DNAH11: variants seen among roughly 807,000 people sequenced by gnomAD.
DNAH11 encodes the protein axonemal beta dynein heavy chain 11.
A neutral mutation model predicts 526.0 loss-of-function variants in DNAH11; 442 were observed. That is an observed-to-expected ratio of 0.84 (90% CI 0.78 to 0.91). The LOEUF (loss-of-function observed/expected upper bound fraction) is 0.91. Ranked by LOEUF, DNAH11 falls within the 40% of genes least tolerant of loss-of-function variation. The pLI is 0.00. For synonymous variants in DNAH11, 2,461 were observed against 1,935.9 expected, an observed-to-expected ratio of 1.27 and a Z score of -7.12; for missense variants, 6,989 against 5,448.7, an observed-to-expected ratio of 1.28 and a Z score of -8.90.
rs774774317 is a variant in DNAH11, at chr7:21,704,472, A to C, written c.6312A>C (p.Lys2104Asn). ...MRALRDFNMP[K>N]IVTDDIPVFL... is the part of the protein sequence containing the mutation. ...CATTAAGGGATTTCAATATGCCCAA[A>C]ATAGTGACTGACGACATCCCAGTGT... The change falls in exon 38 of 82, where the codon AAA becomes AAC. Residue 2104 changes from lysine to asparagine, a missense_variant. Transcript: ENST00000409508. The C allele has an allele frequency of 6.2e-7, 1 of 1,613,696 alleles. No homozygotes were observed. Among genetic ancestry groups the C allele is most frequent in the South Asian group, 1.1e-5 (1 of 91,040 alleles).
At chr7:21,576,993 A>G (rs1028939923) in intron 8 of DNAH11, among the ~76,000 whole-genome samples, 1 of 152,210 alleles carries the variant, frequency 6.6e-6, no homozygotes, top group Non-Finnish European at 1.5e-5. Context: ...CAGACCTAAG[A>G]AGACTCTGAA....
At chr7:21,563,919 T>C (rs1783560861) in intron 5 of DNAH11, among the ~76,000 whole-genome samples, 1 of 152,170 alleles carries the variant, frequency 6.6e-6, no homozygotes, top group African/African-American at 2.4e-5. Flanking sequence ...AGGGGTATTT[T>C]CCCCTTGGGT....
chr7:21,899,948 T>C (rs1352008753), intron 80 of DNAH11, 32 bp from the exon 81 acceptor site: 1 of 1,611,550 alleles, frequency 6.2e-7, no homozygotes, highest in Non-Finnish European at 8.5e-7. Flanking sequence ...GCAACACTTT[T>C]ATCCTATTCA....
chr7:21,722,338 T>G (rs980771202), intron 44 of DNAH11, among the ~76,000 whole-genome samples: 1 of 152,204 alleles, frequency 6.6e-6, no homozygotes, highest in Non-Finnish European at 1.5e-5. Context: ...TCATGGTTCA[T>G]AGTGCTTCTA....
Position 21,646,174 on chromosome 7 carries a change from G to C in DNAH11, c.4944+7109G>C, listed in dbSNP as rs1268976676. Among the ~76,000 whole-genome samples, 3 of 152,114 alleles carry C rather than the reference G, an allele frequency of 2.0e-5. 1 individual carries two copies. Among genetic ancestry groups the C allele is most frequent in the African/African-American group, 7.2e-5 (3 of 41,418 alleles). On this transcript the variant is annotated intron_variant, in intron 28 of 81. Coordinates refer to ENST00000409508, the MANE Select transcript of DNAH11 (RefSeq NM_001277115.2). ...GGAATGGCTAGTAAACATAAGAAAG[G>C]TTGCTCAATTTCAGAAGTCATCAGG...
intron 27 of DNAH11, among the ~76,000 whole-genome samples, chr7:21,638,428 G>A (rs1294963853): frequency 6.6e-6 from 1 of 152,102 alleles, no homozygotes; most frequent in East Asian, 1.9e-4. Context: ...GGTCATTTCT[G>A]CTCTGCTAAG....
intron 74 of DNAH11, among the ~76,000 whole-genome samples, chr7:21,878,351 G>A (rs1049271799): frequency 1.3e-5 from 2 of 152,156 alleles, no homozygotes; most frequent in Non-Finnish European, 1.5e-5. Context: ...AGTTATTATA[G>A]TACCTTGGGT....
intron 79 of DNAH11, among the ~76,000 whole-genome samples, chr7:21,896,057 T>TA (rs1784504967): frequency 6.6e-6 from 1 of 152,204 alleles, no homozygotes; most frequent in South Asian, 2.1e-4. Context: ...AACACAATGT[T>TA]AGAGCCTTCA....
At chr7:21,895,471 A>G (rs1436793565) in intron 79 of DNAH11, among the ~76,000 whole-genome samples, 4 of 152,210 alleles carry the variant, frequency 2.6e-5, no homozygotes, top group African/African-American at 4.8e-5. Context: ...GACTGGGGGT[A>G]TAACTGCAGA....
At chr7:21,786,061 A>T (rs903934662) in intron 58 of DNAH11, among the ~76,000 whole-genome samples, 1 of 152,184 alleles carries the variant, frequency 6.6e-6, no homozygotes, top group African/African-American at 2.4e-5. Flanking sequence ...TGTTGGATTA[A>T]TCAGTGGCAT....
intron 60 of DNAH11, among the ~76,000 whole-genome samples, chr7:21,788,696 A>T (rs563081371): frequency 1.1e-4 from 16 of 152,246 alleles, no homozygotes; most frequent in South Asian, 2.1e-4. Flanking sequence ...TTGTGTGGAT[A>T]TCTCCCACCC....
chr7:21,743,242 G>A (rs1785996608), intron 49 of DNAH11, among the ~76,000 whole-genome samples: 1 of 152,172 alleles, frequency 6.6e-6, no homozygotes. Flanking sequence ...CAAGTAAGAA[G>A]GATAAATGAT....
At chr7:21,702,449 C>G (rs1784103640) in intron 36 of DNAH11, among the ~76,000 whole-genome samples, 1 of 151,574 alleles carries the variant, frequency 6.6e-6, no homozygotes, top group Admixed American at 6.6e-5. Context: ...GTGGATGGAG[C>G]CTTAGGCAAA....
rs1287310818 is a variant in DNAH11, at chr7:21,600,074, C to A, written c.2955C>A (p.Ala985=). 2 of 1,582,498 alleles carry A rather than the reference C, an allele frequency of 1.3e-6. No individual in the cohort carries two copies. The highest frequency in any genetic ancestry group is 1.7e-6 in the Non-Finnish European group (2 of 1,160,952). The change falls in exon 15 of 82, where the codon GCC becomes GCA. Residue 985 remains alanine (A), a synonymous_variant. Coordinates refer to ENST00000409508, the MANE Select transcript of DNAH11 (RefSeq NM_001277115.2). ...TATGCAATAGTTTTAGAATGTCTGCCCAGATGAACCGAATAGCAACACACC... is the reference window on the plus strand; with the variant it reads ...TATGCAATAGTTTTAGAATGTCTGCACAGATGAACCGAATAGCAACACACC... ...EMLCNSFRMS[A]QMNRIATHLE...
In DNAH11 at chr7:21,596,018, A is replaced by G. The variant is rs1476102424; in HGVS notation, c.2668-3769A>G. On this transcript the variant is annotated intron_variant, in intron 14 of 81. Transcript: ENST00000409508. Reference sequence around the variant, plus strand: ...CAAAACGTAAAGTACAGTACATTTGATATGCTCTAGTGGATATGGAGAAGA... The same window carrying G: ...CAAAACGTAAAGTACAGTACATTTGGTATGCTCTAGTGGATATGGAGAAGA... Among the ~76,000 whole-genome samples the G allele has an allele frequency of 2.6e-5, 4 of 152,356 alleles. No individual in the cohort carries two copies. In the East Asian group the frequency reaches 7.7e-4, roughly 29 times the overall value.
In DNAH11 at chr7:21,639,071, AT is replaced by A. The variant is rs759113331; in HGVS notation, c.4944+14del. The stretch of plus-strand genomic sequence containing the variant: ...AAGGAGCTCAGCCTAAACAGGTAAT[AT>A]TTTTTTTGAAAGTCTCGTATTATAC... On this transcript the variant is annotated splice_region_variant and intron_variant, in intron 28 of 81. Coordinates refer to ENST00000409508, the MANE Select transcript of DNAH11 (RefSeq NM_001277115.2). The A allele has an allele frequency of 5.8e-5, 93 of 1,600,156 alleles. No homozygotes were observed. The highest frequency in any genetic ancestry group is 2.6e-4 in the Admixed American group (15 of 57,950).
At chr7:21,815,164 T>C (rs964129835) in intron 63 of DNAH11, among the ~76,000 whole-genome samples, 1 of 152,132 alleles carries the variant, frequency 6.6e-6, no homozygotes, top group African/African-American at 2.4e-5. Context: ...ATATGAGATC[T>C]GCAGGTGCCC....
intron 30 of DNAH11, among the ~76,000 whole-genome samples, chr7:21,660,462 T>G (rs1294903319): frequency 6.6e-6 from 1 of 151,780 alleles, no homozygotes; most frequent in Admixed American, 6.6e-5. Context: ...GTTTTATTGC[T>G]TATAAGGTTA....
In DNAH11 at chr7:21,718,890, C is replaced by T. The variant is rs141338541; in HGVS notation, c.7134+965C>T. ...ATAATTCGCACACCAATTAAATAAACGATAGTCTTCAACAGTAATTATCTG... is the reference window on the plus strand; with the variant it reads ...ATAATTCGCACACCAATTAAATAAATGATAGTCTTCAACAGTAATTATCTG... On this transcript the variant is annotated intron_variant, in intron 43 of 81. Transcript: ENST00000409508. Among the ~76,000 whole-genome samples the T allele has an allele frequency of 5.6e-4, 85 of 152,164 alleles. No homozygotes were observed. The Middle Eastern group carries it at 0.02, about 37-fold the overall frequency.
Sources: allele counts gnomAD v4.1 joint callset (sites outside exome capture counted in the v4.1 genomes callset), GRCh38; gene constraint gnomAD v4.1.1; transcripts MANE v1.5; gene names NCBI Gene and HGNC (gene_info 2026-07-23, HGNC 2026-07-21).